Variants in PDXDC1 observed in about 807,000 individuals in gnomAD.
PDXDC1 encodes the protein pyridoxal dependent decarboxylase domain containing 1.
A neutral mutation model predicts 100.1 loss-of-function variants in PDXDC1; 42 were observed. The ratio of observed to expected loss-of-function variants is 0.42; its 90% CI spans 0.33 to 0.54. The LOEUF is 0.54. PDXDC1 is among the 20% of genes least tolerant of loss of function. PDXDC1 has a pLI of 0.10. For missense variants in PDXDC1, 636 were observed against 979.2 expected (o/e 0.65, Z 4.68); for synonymous variants, 260 against 371.7 (o/e 0.70, Z 3.46).
At chr16:15,061,840 A>G (rs571607339) in intron 16 of PDXDC1, 1 of 1,614,052 alleles carries the variant, frequency 6.2e-7, no homozygotes, top group East Asian at 2.2e-5. Flanking sequence ...GTGTGATCCC[A>G]ATCACGGTAT....
At chr16:15,098,575 G>C (rs1399609333) in intron 16 of PDXDC1, among the ~76,000 whole-genome samples, 1 of 151,920 alleles carries the variant, frequency 6.6e-6, no homozygotes. Context: ...TACATTTGTT[G>C]AGCATAAAGA....
chr16:15,076,406 T>C (rs2045455849), intron 16 of PDXDC1: 1 of 666,768 alleles, frequency 1.5e-6, no homozygotes, highest in South Asian at 1.7e-5. Context: ...CTAAATGACA[T>C]GGCAGCAAAT....
chr16:15,077,834 C>A (rs1320474229), intron 16 of PDXDC1, among the ~76,000 whole-genome samples: 1 of 152,160 alleles, frequency 6.6e-6, no homozygotes. Flanking sequence ...AGCGAGACAC[C>A]ATCTCAAACA....
intron 21 of PDXDC1, among the ~76,000 whole-genome samples, chr16:15,034,828 C>T (rs2043304636): frequency 6.6e-6 from 1 of 152,202 alleles, no homozygotes. Flanking sequence ...CGTGCAGACT[C>T]TCAGGGTGCT....
At chr16:15,106,595 A>G (rs887911725) in intron 16 of PDXDC1, among the ~76,000 whole-genome samples, 9 of 149,778 alleles carry the variant, frequency 6.0e-5, no homozygotes, top group African/African-American at 2.2e-4. Flanking sequence ...CTCTACTAAA[A>G]ATACAAAAAA....
chr16:15,049,532 G>A (rs2044216001), intron 16 of PDXDC1, among the ~76,000 whole-genome samples: 2 of 151,970 alleles, frequency 1.3e-5, no homozygotes, highest in South Asian at 2.1e-4. Flanking sequence ...AGGTTCAAGC[G>A]ATTCTCGTGC....
chr16:14,989,153 G>T, intron 1 of PDXDC1: 2 of 1,614,226 alleles, frequency 1.2e-6, no homozygotes, highest in Non-Finnish European at 1.7e-6. Flanking sequence ...GAGCCCAGAG[G>T]AGCTGGTGGT....
intron 1 of PDXDC1, among the ~76,000 whole-genome samples, chr16:14,992,849 CTT>C (rs56053955): frequency 9.9e-4 from 148 of 148,762 alleles, no homozygotes; most frequent in Middle Eastern, 3.5e-3. Flanking sequence ...TTATGCTATA[CTT>C]TTTTTTTTTT....
rs1212354495 is a variant in PDXDC1, at chr16:15,038,231, G to A, written c.*1956G>A. 6.2e-6 allele frequency: 10 copies of A among 1,601,762 alleles called. No homozygotes were observed. The highest frequency in any genetic ancestry group is 8.5e-6 in the Non-Finnish European group (10 of 1,172,062). On this transcript the variant is annotated 3_prime_UTR_variant, in exon 23 of 23. Coordinates refer to ENST00000396410, the MANE Select transcript of PDXDC1 (RefSeq NM_015027.4). ...AGATTCTGAAAACACAAGATGGTGGGCATTAGAGAAGCCAACCTTACTGTC... is the reference window on the plus strand; with the variant it reads ...AGATTCTGAAAACACAAGATGGTGGACATTAGAGAAGCCAACCTTACTGTC...
At position 15,133,569 on chromosome 16, in the gene PDXDC1, C is replaced by G. The variant is rs2048209052; in HGVS notation, c.1400-5310C>G. The stretch of plus-strand genomic sequence containing the variant: ...CCCACCTCGAAGTGTGGCCTGAAAC[C>G]CGGGGGCAGCACGGCTCCGTAGCCG... On this transcript the variant is annotated intron_variant, in intron 16 of 16. Transcript: ENST00000535621. 3 of 1,043,412 alleles carry G rather than the reference C, an allele frequency of 2.9e-6. No individual in the cohort carries two copies. The East Asian group carries it at 7.7e-5, about 27-fold the overall frequency. The allele number at this position is 1,043,412 out of a possible 1,614,324, so 64.6% of individuals were successfully genotyped here.
chr16:15,000,110 TCTC>T (rs1972826060), intron 3 of PDXDC1, among the ~76,000 whole-genome samples: 1 of 152,268 alleles, frequency 6.6e-6, no homozygotes, highest in Non-Finnish European at 1.5e-5. Context: ...CCCTATAAAA[TCTC>T]CTCATTCCAG....
chr16:15,070,680 G>A (rs938390910), intron 16 of PDXDC1, among the ~76,000 whole-genome samples: 3 of 152,086 alleles, frequency 2.0e-5, no homozygotes, highest in Admixed American at 6.6e-5. Context: ...TTGGGGAAGG[G>A]TTTCAACAGC....
Position 15,066,286 on chromosome 16 carries a change from G to A in PDXDC1, c.1399+36230G>A, listed in dbSNP as rs1368538576. ...CCCGCAGCTGACCGCACTTCCGGGT[G>A]TGTGACAAGGAAGCATGTGCCCACA... On this transcript the variant is annotated intron_variant, in intron 16 of 16. Coordinates refer to the PDXDC1 transcript ENST00000535621. 2.0e-5 allele frequency among the ~76,000 whole-genome samples: 3 copies of A among 152,164 alleles called. No individual in the cohort carries two copies. In the East Asian group the frequency reaches 5.8e-4, roughly 29 times the overall value.
At chr16:15,131,036 C>A in intron 16 of PDXDC1, 3 of 1,459,338 alleles carry the variant, frequency 2.1e-6, no homozygotes, top group Non-Finnish European at 2.8e-6. Flanking sequence ...AAACGCCTTC[C>A]CCCCAAGAAC....
chr16:15,023,253 C>G (rs2042339008), intron 13 of PDXDC1, among the ~76,000 whole-genome samples: 1 of 152,260 alleles, frequency 6.6e-6, no homozygotes, highest in South Asian at 2.1e-4. Context: ...CAGATTGTTC[C>G]CTAGGCATAA....
chr16:14,990,716 TCC>T (rs1970585281), intron 1 of PDXDC1, among the ~76,000 whole-genome samples: 2 of 152,290 alleles, frequency 1.3e-5, no homozygotes, highest in Admixed American at 1.3e-4. Flanking sequence ...CTGGGCTTAC[TCC>T]CTGAAGAGCA....
At chr16:15,143,771 C>A (rs2048510960), downstream of PDXDC1, among the ~76,000 whole-genome samples, 1 of 152,222 alleles carries the variant, frequency 6.6e-6, no homozygotes, top group African/African-American at 2.4e-5. Flanking sequence ...TGGCCCCAGA[C>A]AAACCAGACC....
chr16:15,033,282 T>C lies in PDXDC1; in HGVS notation c.1695T>C (p.Pro565=), dbSNP rs760987682. The C allele has an allele frequency of 1.7e-5, 28 of 1,614,020 alleles. No homozygotes were observed. In the Admixed American group the frequency reaches 3.0e-4, roughly 17 times the overall value. ...LESDLTFKIG[P]EYKSMKSCLY... Reference sequence around the variant, plus strand: ...TTTGTCTCGTTACCTTTGCAGGCCCTGAGTATAAGAGCATGAAGAGCTGCC... The same window carrying C: ...TTTGTCTCGTTACCTTTGCAGGCCCCGAGTATAAGAGCATGAAGAGCTGCC... The change falls in exon 19 of 23, where the codon CCT becomes CCC. Residue 565 remains proline (P), a synonymous_variant. Transcript: ENST00000396410.
intron 16 of PDXDC1, among the ~76,000 whole-genome samples, chr16:15,106,601 A>G (rs1338691844): frequency 2.0e-5 from 3 of 149,680 alleles, no homozygotes; most frequent in African/African-American, 7.3e-5. Flanking sequence ...TAAAAATACA[A>G]AAAATTAGGC....
Sources: gnomAD v4.1 joint callset for allele counts (sites outside exome capture counted in the v4.1 genomes callset) on GRCh38, gnomAD v4.1.1 for gene constraint, MANE v1.5 for transcripts, NCBI Gene and HGNC (gene_info 2026-07-23, HGNC 2026-07-21) for gene names.